Variants in SRGN observed in about 807,000 individuals in gnomAD.
SRGN encodes hematopoetic proteoglycan core peptide.
In SRGN, 2 loss-of-function variants were observed where a neutral mutation model predicts 9.5. That is an observed-to-expected ratio of 0.21 (90% CI 0.09 to 0.66). The LOEUF (loss-of-function observed/expected upper bound fraction) is 0.66, where lower values mean the gene tolerates loss of function less well. Ranked by LOEUF, SRGN falls within the 30% of genes least tolerant of loss-of-function variation. SRGN has a pLI of 0.83. For missense variants in SRGN, 170 were observed against 192.4 expected (o/e 0.88, Z 0.69); for synonymous variants, 59 against 72.3 (o/e 0.82, Z 0.93).
At position 69,104,009 on chromosome 10, in the gene SRGN, A is replaced by G. The variant is rs1840344872; in HGVS notation, c.366A>G (p.Leu122=). Residue 122 remains leucine (L), a synonymous_variant, in exon 3 of 3, where the codon CTA becomes CTG. Coordinates refer to ENST00000242465, the MANE Select transcript of SRGN (RefSeq NM_002727.4). The part of the protein sequence containing the change: ...FLTEMEQDYQ[L]VDESDAFHDN... ...CGGAAATGGAACAGGATTACCAACT[A>G]GTAGACGAAAGTGATGCTTTCCATG... 6.2e-7 allele frequency: 1 copy of G among 1,614,228 alleles called. No homozygotes were observed. The highest frequency in any genetic ancestry group is 8.5e-7 in the Non-Finnish European group (1 of 1,180,046).
At chr10:69,088,297 G>A in intron 1 of SRGN, 61 bp downstream of exon 1, 1 of 1,366,096 alleles carries the variant, frequency 7.3e-7, no homozygotes, top group Non-Finnish European at 1.0e-6. Flanking sequence ...GTCCATGCAA[G>A]TCATTATATT....
intron 1 of SRGN, among the ~76,000 whole-genome samples, chr10:69,090,924 A>G (rs1761697980): frequency 6.6e-6 from 1 of 152,120 alleles, no homozygotes; most frequent in African/African-American, 2.4e-5. Flanking sequence ...AATGACACCC[A>G]TAAAGAAAAA....
intron 2 of SRGN, among the ~76,000 whole-genome samples, chr10:69,101,486 A>C (rs12766010): frequency 0.01 from 1,529 of 152,116 alleles, 15 homozygotes; most frequent in Non-Finnish European, 0.017. Context: ...TTCTGCAGTT[A>C]TCTCTCTGAA....
At chr10:69,092,794 CA>C (rs11456015) in intron 1 of SRGN, among the ~76,000 whole-genome samples, 55 of 118,044 alleles carry the variant, frequency 4.7e-4, no homozygotes, top group Admixed American at 1.2e-3. Flanking sequence ...ACTCTGTCTC[CA>C]AAAAAAAAAA....
At chr10:69,097,331 G>C in intron 2 of SRGN, 100 bp downstream of exon 2, 1 of 940,146 alleles carries the variant, frequency 1.1e-6, no homozygotes, top group East Asian at 2.9e-5. Flanking sequence ...CGCAATCTTA[G>C]CTCACTGCAA....
chr10:69,091,487 A>AT (rs1840050467), intron 1 of SRGN, among the ~76,000 whole-genome samples: 1 of 152,170 alleles, frequency 6.6e-6, no homozygotes, highest in Non-Finnish European at 1.5e-5. Flanking sequence ...GGCTTAGATA[A>AT]TGCTACCATT....
At chr10:69,091,625 T>C (rs1222232666) in intron 1 of SRGN, among the ~76,000 whole-genome samples, 1 of 151,842 alleles carries the variant, frequency 6.6e-6, no homozygotes, top group Non-Finnish European at 1.5e-5. Context: ...ACGTCTGTAG[T>C]CTTAGCACTT....
intron 2 of SRGN, among the ~76,000 whole-genome samples, chr10:69,100,197 A>G (rs1482307186): frequency 6.6e-6 from 1 of 152,166 alleles, no homozygotes; most frequent in Non-Finnish European, 1.5e-5. Context: ...TCCTGTCTCT[A>G]CAGAAAAATA....
chr10:69,090,123 C>T (rs1208626327), intron 1 of SRGN, among the ~76,000 whole-genome samples: 5 of 152,154 alleles, frequency 3.3e-5, no homozygotes, highest in African/African-American at 1.2e-4. Context: ...GTGCCCACAT[C>T]TGAGCATGCA....
chr10:69,103,003 G>A (rs1023066607), intron 2 of SRGN, among the ~76,000 whole-genome samples: 1 of 151,876 alleles, frequency 6.6e-6, no homozygotes, highest in Non-Finnish European at 1.5e-5. Context: ...GCAGTGGCGC[G>A]ATCTCGGCTC....
At chr10:69,099,848 C>T (rs1044563346) in intron 2 of SRGN, among the ~76,000 whole-genome samples, 3 of 152,032 alleles carry the variant, frequency 2.0e-5, no homozygotes, top group Non-Finnish European at 2.9e-5. Flanking sequence ...CTGTAATCCC[C>T]CCAGTTTGGG....
At chr10:69,092,379 C>T (rs993893854) in intron 1 of SRGN, among the ~76,000 whole-genome samples, 9 of 152,128 alleles carry the variant, frequency 5.9e-5, no homozygotes, top group African/African-American at 2.2e-4. Context: ...ATCATCGGCC[C>T]CAAATTAGAT....
Position 69,090,180 on chromosome 10 carries a change from A to G in SRGN, c.79+1944A>G, listed in dbSNP as rs140036931. Among the ~76,000 whole-genome samples, 332 of 152,326 alleles carry G rather than the reference A, an allele frequency of 2.2e-3. 2 individuals carry two copies. Among genetic ancestry groups the G allele is most frequent in the African/African-American group, 7.6e-3 (314 of 41,576 alleles). On this transcript the variant is annotated intron_variant, in intron 1 of 2. Coordinates refer to ENST00000242465, the MANE Select transcript of SRGN (RefSeq NM_002727.4). ...GGCTGCACATGTGAGTGACTGCGGC[A>G]CAAGGCTGTGATGTGAAGAGTCGTG...
At chr10:69,089,084 A>C (rs1339593543) in intron 1 of SRGN, among the ~76,000 whole-genome samples, 1 of 152,218 alleles carries the variant, frequency 6.6e-6, no homozygotes, top group Non-Finnish European at 1.5e-5. Flanking sequence ...GCCAAATGGT[A>C]AGGGAAATGT....
intron 2 of SRGN, among the ~76,000 whole-genome samples, chr10:69,100,763 A>G (rs979415457): frequency 1.3e-5 from 2 of 151,928 alleles, no homozygotes; most frequent in African/African-American, 4.8e-5. Flanking sequence ...GACTTTGGCC[A>G]ATGGGAGGCA....
chr10:69,097,092 A>G lies in SRGN; in HGVS notation c.88A>G (p.Thr30Ala). ...VLESSVQGYPTRRARYQWVRC... is the reference protein window; with the variant it reads ...VLESSVQGYPARRARYQWVRC... Reference sequence around the variant, plus strand: ...GTGGGTTCCTCGGGCAGGTTATCCTACGCGGAGAGCCAGGTACCAATGGGT... The same window carrying G: ...GTGGGTTCCTCGGGCAGGTTATCCTGCGCGGAGAGCCAGGTACCAATGGGT... The change falls in exon 2 of 3, where the codon ACG becomes GCG. Residue 30 changes from threonine (T) to alanine (A), a missense_variant. Physicochemically the swap from Thr to Ala is moderately conservative, Grantham distance 58 (BLOSUM62 0). Coordinates refer to ENST00000242465, the MANE Select transcript of SRGN (RefSeq NM_002727.4). 6.2e-7 allele frequency: 1 copy of G among 1,613,976 alleles called. No individual in the cohort carries two copies. The highest frequency in any genetic ancestry group is 8.5e-7 in the Non-Finnish European group (1 of 1,179,926).
intron 1 of SRGN, among the ~76,000 whole-genome samples, chr10:69,091,043 G>T (rs1036549914): frequency 1.2e-4 from 19 of 152,172 alleles, no homozygotes; most frequent in African/African-American, 4.6e-4. Context: ...TCCTTGTGCT[G>T]CTCTTTGTAA....
chr10:69,092,821 T>C (rs1840093708), intron 1 of SRGN, among the ~76,000 whole-genome samples: 1 of 147,746 alleles, frequency 6.8e-6, no homozygotes, highest in African/African-American at 2.5e-5. Flanking sequence ...AAGTGTTCAA[T>C]GTTTTTTAGT....
intron 1 of SRGN, among the ~76,000 whole-genome samples, chr10:69,095,933 T>TAAAATAAAA (rs1554850320): frequency 1.5e-5 from 1 of 67,200 alleles, no homozygotes; most frequent in South Asian, 5.4e-4. Context: ...ATAAAATAAA[T>TAAAATAAAA]ACATAAATAA....
Sources: allele counts gnomAD v4.1 joint callset (sites outside exome capture counted in the v4.1 genomes callset), GRCh38; gene constraint gnomAD v4.1.1; transcripts MANE v1.5; gene names NCBI Gene and HGNC (gene_info 2026-07-23, HGNC 2026-07-21).